The following KLHL32 variants were observed in gnomAD, a reference collection of about 807,000 sequenced individuals.
The protein encoded by KLHL32 is kelch-like protein 32.
KLHL32 carries 35 observed loss-of-function variants against 64.8 expected under a neutral mutation model. That is an observed-to-expected ratio of 0.54 (90% CI 0.41 to 0.72). KLHL32 has a LOEUF of 0.72. KLHL32 is among the 30% of genes least tolerant of loss of function. The pLI is 0.00. For synonymous variants in KLHL32, 259 were observed against 281.0 expected, an observed-to-expected ratio of 0.92 and a Z score of 0.78; for missense variants, 589 against 768.5, an observed-to-expected ratio of 0.77 and a Z score of 2.76.
intron 1 of KLHL32, among the ~76,000 whole-genome samples, chr6:96,926,556 C>T (rs977733540): frequency 6.6e-6 from 1 of 152,154 alleles, no homozygotes; most frequent in Non-Finnish European, 1.5e-5. Context: ...TGGGGAAGCC[C>T]TTTCTGGATC....
chr6:96,901,334 T>A, the KLHL32 span, among the ~76,000 whole-genome samples: 1 of 152,208 alleles, frequency 6.6e-6, no homozygotes, highest in Non-Finnish European at 1.5e-5. Context: ...ATGCCTTTTT[T>A]TTTTTTTTAC....
chr6:96,991,433 C>G (rs888926306), intron 3 of KLHL32, among the ~76,000 whole-genome samples: 4 of 151,950 alleles, frequency 2.6e-5, no homozygotes, highest in Non-Finnish European at 4.4e-5. Context: ...TTGTTCCTTC[C>G]CCAATGCAGT....
At chr6:96,914,033 G>T in the KLHL32 span, among the ~76,000 whole-genome samples, 1 of 152,168 alleles carries the variant, frequency 6.6e-6, no homozygotes, top group South Asian at 2.1e-4. Context: ...GAGGCGAAAA[G>T]GGAGAACAGA....
chr6:96,953,374 A>C (rs1772866880), intron 1 of KLHL32, among the ~76,000 whole-genome samples: 1 of 152,210 alleles, frequency 6.6e-6, no homozygotes, highest in Admixed American at 6.5e-5. Flanking sequence ...TCATGCCTGT[A>C]ATACCAGCAC....
At chr6:96,963,463 T>C (rs769049390) in intron 1 of KLHL32, among the ~76,000 whole-genome samples, 5 of 152,228 alleles carry the variant, frequency 3.3e-5, no homozygotes, top group Non-Finnish European at 7.3e-5. Context: ...AATGTAAATT[T>C]TCTTTACAAA....
At chr6:96,899,987 T>G in the KLHL32 span, among the ~76,000 whole-genome samples, 1 of 152,224 alleles carries the variant, frequency 6.6e-6, no homozygotes, top group African/African-American at 2.4e-5. Flanking sequence ...CTTTGTCTGT[T>G]TTGTTCACTG....
intron 2 of KLHL32, among the ~76,000 whole-genome samples, chr6:96,973,609 T>C (rs1562204538): frequency 6.6e-6 from 1 of 152,158 alleles, no homozygotes; most frequent in Non-Finnish European, 1.5e-5. Context: ...CATGTTGTTC[T>C]GTTCATGTAT....
At chr6:97,044,864 C>T (rs1428432588) in intron 4 of KLHL32, among the ~76,000 whole-genome samples, 1 of 151,542 alleles carries the variant, frequency 6.6e-6, no homozygotes, top group Non-Finnish European at 1.5e-5. Context: ...AATATCTTCT[C>T]TTTCATTTCT....
At chr6:96,963,149 T>G (rs12191961) in intron 1 of KLHL32, among the ~76,000 whole-genome samples, 5,030 of 152,288 alleles carry the variant, frequency 0.033, 115 homozygotes, top group Middle Eastern at 0.065. Flanking sequence ...ATTTCCATGT[T>G]CATCACAGAT....
At chr6:97,103,774 AAT>A (rs869149362) in intron 6 of KLHL32, among the ~76,000 whole-genome samples, 2 of 77,660 alleles carry the variant, frequency 2.6e-5, no homozygotes, top group African/African-American at 4.4e-5. Context: ...TAGACAAAAA[AAT>A]GTCACCTTGT....
chr6:96,971,566 A>G (rs1775105408), intron 2 of KLHL32, among the ~76,000 whole-genome samples: 1 of 152,116 alleles, frequency 6.6e-6, no homozygotes, highest in South Asian at 2.1e-4. Context: ...CATATGGCTG[A>G]TCAAATGGTT....
chr6:96,966,144 A>C (rs1249913281), intron 1 of KLHL32, among the ~76,000 whole-genome samples: 1 of 152,230 alleles, frequency 6.6e-6, no homozygotes, highest in Non-Finnish European at 1.5e-5. Flanking sequence ...GCTTTCCAAA[A>C]TAAAATTGAG....
chr6:96,942,085 A>G (rs1261267740), intron 1 of KLHL32, among the ~76,000 whole-genome samples: 1 of 152,176 alleles, frequency 6.6e-6, no homozygotes, highest in African/African-American at 2.4e-5. Flanking sequence ...ATCTTGGGCC[A>G]TGATCTGAAA....
At chr6:96,986,556 C>T (rs1024571388) in intron 3 of KLHL32, among the ~76,000 whole-genome samples, 9 of 152,216 alleles carry the variant, frequency 5.9e-5, no homozygotes, top group Non-Finnish European at 1.0e-4. Flanking sequence ...TTTACCTACT[C>T]AAGCCTTGGC....
chr6:97,110,721 G>A (rs1278109177), intron 6 of KLHL32, among the ~76,000 whole-genome samples: 1 of 152,212 alleles, frequency 6.6e-6, no homozygotes, highest in Non-Finnish European at 1.5e-5. Context: ...AGTAAAGCAC[G>A]ATAAAATTGA....
chr6:97,123,102 A>G (rs748095206), intron 7 of KLHL32, among the ~76,000 whole-genome samples: 1 of 152,118 alleles, frequency 6.6e-6, no homozygotes, highest in Non-Finnish European at 1.5e-5. Context: ...CTATTTACCA[A>G]CAGAGGTATT....
chr6:97,102,622 G>T (rs895131736), intron 6 of KLHL32, among the ~76,000 whole-genome samples: 1 of 152,032 alleles, frequency 6.6e-6, no homozygotes, highest in Non-Finnish European at 1.5e-5. Flanking sequence ...TTGTCTTTTG[G>T]CTCAGAGACT....
intron 7 of KLHL32, among the ~76,000 whole-genome samples, chr6:97,118,487 C>T (rs9374366): frequency 0.17 from 25,427 of 151,764 alleles, 2,731 homozygotes; most frequent in East Asian, 0.52. Context: ...GGCGTGGTGG[C>T]GGGCGCCTGT....
chr6:96,915,100 G>A, the KLHL32 span: 2 of 152,176 alleles, frequency 1.3e-5, no homozygotes, highest in African/African-American at 4.8e-5. Context: ...TAAGTACGAA[G>A]ACTTTGGATT....
Sources: allele counts gnomAD v4.1 joint callset (sites outside exome capture counted in the v4.1 genomes callset), GRCh38; gene constraint gnomAD v4.1.1; transcripts MANE v1.5; gene names NCBI Gene and HGNC (gene_info 2026-07-23, HGNC 2026-07-21).